TMEM217B: variants seen among roughly 807,000 people sequenced by gnomAD.
The protein encoded by TMEM217B is transmembrane protein 217B.
At chr6:37,227,984 C>G in the TMEM217B span, among the ~76,000 whole-genome samples, 1 of 151,980 alleles carries the variant, frequency 6.6e-6, no homozygotes, top group Non-Finnish European at 1.5e-5. Context: ...TTCCATGTTA[C>G]GGAAAGTTTC....
chr6:37,243,214 T>C, the TMEM217B span, among the ~76,000 whole-genome samples: 1 of 152,240 alleles, frequency 6.6e-6, no homozygotes, highest in African/African-American at 2.4e-5. Context: ...TGGCAAGGGC[T>C]ATTACTCTCT....
the TMEM217B span, among the ~76,000 whole-genome samples, chr6:37,252,635 A>ATTTTTTT: frequency 1.5e-4 from 9 of 60,392 alleles, 1 homozygote; most frequent in African/African-American, 5.3e-4. Context: ...ATATATATAT[A>ATTTTTTT]TATTTTTTTT....
chr6:37,237,257 C>A, the TMEM217B span, among the ~76,000 whole-genome samples: 1 of 152,054 alleles, frequency 6.6e-6, no homozygotes, highest in Non-Finnish European at 1.5e-5. Flanking sequence ...GCCAGGTTGC[C>A]CAGGGAAACA....
At chr6:37,238,354 G>A in the TMEM217B span, among the ~76,000 whole-genome samples, 1 of 152,094 alleles carries the variant, frequency 6.6e-6, no homozygotes, top group South Asian at 2.1e-4. Flanking sequence ...TATTTATTAT[G>A]CATATAAAAC....
chr6:37,241,531 G>T, the TMEM217B span, among the ~76,000 whole-genome samples: 1 of 152,100 alleles, frequency 6.6e-6, no homozygotes, highest in Non-Finnish European at 1.5e-5. Flanking sequence ...GTGCTGGCAG[G>T]ATCCAAGGTC....
At chr6:37,250,604 C>G in the TMEM217B span, among the ~76,000 whole-genome samples, 1 of 152,218 alleles carries the variant, frequency 6.6e-6, no homozygotes, top group African/African-American at 2.4e-5. Context: ...AGGTACTGTA[C>G]CTTAAAGCAG....
the TMEM217B span, among the ~76,000 whole-genome samples, chr6:37,238,121 T>C: frequency 6.6e-6 from 1 of 151,438 alleles, no homozygotes; most frequent in Non-Finnish European, 1.5e-5. Context: ...AACCAGGGAT[T>C]ATGATCAATC....
At chr6:37,239,229 C>T in the TMEM217B span, among the ~76,000 whole-genome samples, 1 of 152,126 alleles carries the variant, frequency 6.6e-6, no homozygotes, top group African/African-American at 2.4e-5. Flanking sequence ...TGGCTCATGC[C>T]TATAATTCCA....
At chr6:37,219,777 G>A in the TMEM217B span, among the ~76,000 whole-genome samples, 10 of 152,074 alleles carry the variant, frequency 6.6e-5, no homozygotes, top group African/African-American at 2.4e-4. Flanking sequence ...ATTGCCTTGG[G>A]CTTCCATTGC....
At chr6:37,219,994 G>T in the TMEM217B span, among the ~76,000 whole-genome samples, 4 of 152,132 alleles carry the variant, frequency 2.6e-5, no homozygotes, top group African/African-American at 9.7e-5. Context: ...TAGAGCCCTA[G>T]GATAGACTAG....
the TMEM217B span, chr6:37,212,267 C>T: frequency 0.11 from 37,417 of 347,900 alleles, 2,247 homozygotes; most frequent in Admixed American, 0.13. Flanking sequence ...TCCGCACAAC[C>T]TGCCCTCTCC....
the TMEM217B span, among the ~76,000 whole-genome samples, chr6:37,256,769 A>C: frequency 5.3e-5 from 8 of 152,064 alleles, no homozygotes; most frequent in African/African-American, 1.5e-4. Flanking sequence ...GGGGACACGC[A>C]GCCCACCTCA....
chr6:37,240,514 C>G, the TMEM217B span, among the ~76,000 whole-genome samples: 98 of 151,902 alleles, frequency 6.5e-4, no homozygotes, highest in Non-Finnish European at 1.0e-3. Flanking sequence ...GAGAGAGAGA[C>G]CAAAATGGAA....
At chr6:37,217,287 C>T in the TMEM217B span, among the ~76,000 whole-genome samples, 2 of 152,178 alleles carry the variant, frequency 1.3e-5, no homozygotes, top group Non-Finnish European at 2.9e-5. Context: ...GAGCCAGACT[C>T]GGTCTCAAAA....
At chr6:37,232,903 TTA>T in the TMEM217B span, among the ~76,000 whole-genome samples, 1 of 152,214 alleles carries the variant, frequency 6.6e-6, no homozygotes, top group South Asian at 2.1e-4. Flanking sequence ...TTCCTTCTGC[TTA>T]TTCCTAAAGG....
At chr6:37,243,859 G>A in the TMEM217B span, among the ~76,000 whole-genome samples, 1 of 152,176 alleles carries the variant, frequency 6.6e-6, no homozygotes, top group Non-Finnish European at 1.5e-5. Context: ...AAAACTCCTT[G>A]TGTGCTGAGT....
the TMEM217B span, among the ~76,000 whole-genome samples, chr6:37,226,240 TTTTTG>T: frequency 6.4e-3 from 974 of 151,286 alleles, 1 homozygote; most frequent in Non-Finnish European, 0.01. Context: ...CCATTCTCTT[TTTTTG>T]TTTTGTTTTG....
the TMEM217B span, among the ~76,000 whole-genome samples, chr6:37,249,891 A>G: frequency 6.6e-6 from 1 of 152,202 alleles, no homozygotes; most frequent in South Asian, 2.1e-4. Flanking sequence ...CACCAATTCC[A>G]CTTCCATGTC....
the TMEM217B span, among the ~76,000 whole-genome samples, chr6:37,243,076 A>C: frequency 6.6e-6 from 1 of 152,152 alleles, no homozygotes; most frequent in Non-Finnish European, 1.5e-5. Flanking sequence ...ATTTATGCCC[A>C]CACTGTGAAC....
Sources: allele counts gnomAD v4.1 joint callset (sites outside exome capture counted in the v4.1 genomes callset), GRCh38; gene constraint gnomAD v4.1.1; transcripts MANE v1.5; gene names NCBI Gene and HGNC (gene_info 2026-07-23, HGNC 2026-07-21).